Variants in HCRTR2 observed in about 807,000 individuals in gnomAD.
HCRTR2 encodes the protein orexin receptor type 2.
Under a neutral mutation model 49.0 loss-of-function variants are expected in HCRTR2, and 22 were observed. The observed-to-expected ratio is 0.45, with a 90% confidence interval of 0.32 to 0.64. The LOEUF (loss-of-function observed/expected upper bound fraction) is 0.64. HCRTR2 is among the 30% of genes least tolerant of loss of function. The pLI is 0.04. For missense variants in HCRTR2, 491 were observed against 559.4 expected, an observed-to-expected ratio of 0.88 and a Z score of 1.23; for synonymous variants, 236 against 205.3, an observed-to-expected ratio of 1.15 and a Z score of -1.28.
chr6:55,152,061 T>C (rs1035111230), intron 1 of HCRTR2, among the ~76,000 whole-genome samples: 10 of 151,956 alleles, frequency 6.6e-5, no homozygotes, highest in African/African-American at 1.7e-4. Context: ...CCATTTTATA[T>C]AGAGCACAAG....
chr6:55,108,420 G>A (rs1041984207), intron 1 of HCRTR2, among the ~76,000 whole-genome samples: 1 of 152,052 alleles, frequency 6.6e-6, no homozygotes, highest in Non-Finnish European at 1.5e-5. Context: ...CAGCTGAAAA[G>A]CTGTGAGTGC....
chr6:55,280,449 G>T lies in HCRTR2; in HGVS notation c.1105+5G>T. 1 of 1,611,756 alleles carries T rather than the reference G, an allele frequency of 6.2e-7. No individual in the cohort carries two copies. The highest frequency in any genetic ancestry group is 8.5e-7 in the Non-Finnish European group (1 of 1,178,892). On this transcript the variant is annotated splice_donor_5th_base_variant and intron_variant, in intron 6 of 6. Transcript: ENST00000370862. ...TTATTTATAATTTTCTCAGTGGTGA[G>T]TTTTCAACTGTTCTTCCATAAGCCA...
At chr6:55,280,527 G>A in intron 6 of HCRTR2, 83 bp downstream of exon 6, 1 of 1,576,900 alleles carries the variant, frequency 6.3e-7, no homozygotes, top group Non-Finnish European at 8.6e-7. Flanking sequence ...TATATGAGGA[G>A]TTTAGTTGCT....
At chr6:55,123,303 A>G in intron 1 of HCRTR2, among the ~76,000 whole-genome samples, 1 of 151,984 alleles carries the variant, frequency 6.6e-6, no homozygotes, top group Admixed American at 6.6e-5. Flanking sequence ...ATGTTCCATC[A>G]ATACCTAGTT....
intron 1 of HCRTR2, among the ~76,000 whole-genome samples, chr6:55,191,568 G>T (rs1173629069): frequency 6.6e-6 from 1 of 152,214 alleles, no homozygotes; most frequent in Non-Finnish European, 1.5e-5. Context: ...TGCTGATTTA[G>T]TCCTAGTATC....
At chr6:55,163,306 C>T (rs1324771082) in intron 1 of HCRTR2, among the ~76,000 whole-genome samples, 1 of 151,864 alleles carries the variant, frequency 6.6e-6, no homozygotes, top group Non-Finnish European at 1.5e-5. Flanking sequence ...AAAAAAGAGC[C>T]CATATAGCCA....
rs1316979978 is a variant in HCRTR2 at position 55,254,559 on chromosome 6, G to C, written c.403-577G>C. Among the ~76,000 whole-genome samples the C allele has an allele frequency of 5.3e-5, 8 of 152,174 alleles. No homozygotes were observed. The East Asian group carries it at 1.5e-3, about 29-fold the overall frequency. Reference sequence around the variant, plus strand: ...CGCATACAAAATTCTCTTTTAATATGACTCGTAACTTTCCTTGGGTGCTAC... The same window carrying C: ...CGCATACAAAATTCTCTTTTAATATCACTCGTAACTTTCCTTGGGTGCTAC... On this transcript the variant is annotated intron_variant, in intron 2 of 6. Coordinates refer to ENST00000370862, the MANE Select transcript of HCRTR2 (RefSeq NM_001384272.1).
At chr6:55,231,830 T>C (rs1766120627) in intron 1 of HCRTR2, among the ~76,000 whole-genome samples, 1 of 152,146 alleles carries the variant, frequency 6.6e-6, no homozygotes, top group African/African-American at 2.4e-5. Flanking sequence ...AATCATACAT[T>C]TTGTTGTTGC....
chr6:55,180,860 C>T (rs991838828), intron 1 of HCRTR2, among the ~76,000 whole-genome samples: 9 of 151,730 alleles, frequency 5.9e-5, no homozygotes, highest in Non-Finnish European at 1.3e-4. Flanking sequence ...GGTGCAGTGG[C>T]ACAATCTCGT....
At chr6:55,230,010 G>A (rs769988014) in intron 1 of HCRTR2, among the ~76,000 whole-genome samples, 3 of 152,180 alleles carry the variant, frequency 2.0e-5, no homozygotes, top group Non-Finnish European at 4.4e-5. Flanking sequence ...AGAGTCGTGA[G>A]GGAAGTAAGG....
In HCRTR2 at chr6:55,268,716, C is replaced by A. The variant is rs188869695; in HGVS notation, c.762+4894C>A. ...CCACTGAAACCCAAAATATACCAAG[C>A]AAAAAGTAGTAGAATTAAGGAGACA... is the stretch of plus-strand genomic sequence containing the variant. On this transcript the variant is annotated intron_variant, in intron 4 of 6. Transcript: ENST00000370862. Among the ~76,000 whole-genome samples, 472 of 151,976 alleles carry A rather than the reference C, an allele frequency of 3.1e-3. 4 individuals are homozygous for A. Among genetic ancestry groups the A allele is most frequent in the African/African-American group, 0.011 (444 of 41,468 alleles).
intron 1 of HCRTR2, among the ~76,000 whole-genome samples, chr6:55,166,204 A>T (rs1764875956): frequency 6.6e-6 from 1 of 151,830 alleles, no homozygotes; most frequent in Non-Finnish European, 1.5e-5. Flanking sequence ...TATCTTTTTG[A>T]TGTTTTTTGG....
chr6:55,170,705 G>T (rs1044043721), upstream of HCRTR2, among the ~76,000 whole-genome samples: 5 of 148,336 alleles, frequency 3.4e-5, no homozygotes, highest in African/African-American at 1.2e-4. Context: ...TTTACATTAG[G>T]TATATCTCCT....
rs575056755 is a variant in HCRTR2, at chr6:55,192,407, G to GCACACACA, written c.223+17598_223+17599insACACACAC. 1.3e-3 allele frequency among the ~76,000 whole-genome samples: 103 copies of GCACACACA among 79,124 alleles called. 3 individuals carry two copies. The South Asian group carries it at 0.026, about 20-fold the overall frequency. The allele number at this position is 79,124 out of a possible 152,430, so 51.9% of individuals were successfully genotyped here. A position where few individuals can be genotyped will look rare whatever the true frequency, so the allele number is the denominator to read the frequency against. On this transcript the variant is annotated intron_variant, in intron 1 of 6. Transcript: ENST00000370862. ...TTTCTCTAAACACACACACACGCGC[G>GCACACACA]CGCGCGCACACACACACACACACAC...
chr6:55,192,292 A>G (rs995980457), intron 1 of HCRTR2, among the ~76,000 whole-genome samples: 3 of 152,134 alleles, frequency 2.0e-5, no homozygotes, highest in African/African-American at 7.2e-5. Context: ...GGTGGCTCAC[A>G]TCTGTAATCC....
In HCRTR2 at chr6:55,198,354, C is replaced by G. The variant is rs373918084; in HGVS notation, c.223+23544C>G. The stretch of plus-strand genomic sequence containing the variant: ...ATCATACATCTAGCTCTAAACCTAA[C>G]CCCAACTTTAACTCTTACCCTAGCT... On this transcript the variant is annotated intron_variant, in intron 1 of 6. Transcript: ENST00000370862. Among the ~76,000 whole-genome samples the G allele has an allele frequency of 4.5e-4, 69 of 152,242 alleles. 4 individuals are homozygous for G. In the South Asian group the frequency reaches 0.013, roughly 28 times the overall value.
intron 1 of HCRTR2, among the ~76,000 whole-genome samples, chr6:55,204,202 T>C (rs544895783): frequency 4.8e-4 from 73 of 152,196 alleles, no homozygotes; most frequent in South Asian, 1.0e-3. Context: ...ACTCTCAACC[T>C]ATGACTCATG....
chr6:55,267,943 A>G (rs892646046), intron 4 of HCRTR2, among the ~76,000 whole-genome samples: 3 of 152,208 alleles, frequency 2.0e-5, no homozygotes, highest in Admixed American at 6.5e-5. Context: ...AATACTGTAG[A>G]CAGAATAAAC....
At chr6:55,252,451 A>G (rs1766567886) in intron 2 of HCRTR2, among the ~76,000 whole-genome samples, 1 of 152,144 alleles carries the variant, frequency 6.6e-6, no homozygotes, top group Non-Finnish European at 1.5e-5. Context: ...TCTAATTGCT[A>G]GAGAGGATTG....
Sources: allele counts gnomAD v4.1 joint callset (sites outside exome capture counted in the v4.1 genomes callset), GRCh38; gene constraint gnomAD v4.1.1; transcripts MANE v1.5; gene names NCBI Gene and HGNC (gene_info 2026-07-23, HGNC 2026-07-21).